MACROD2: variants seen among roughly 807,000 people sequenced by gnomAD.
The protein encoded by MACROD2 is ADP-ribose glycohydrolase MACROD2.
A neutral mutation model predicts 70.4 loss-of-function variants in MACROD2; 36 were observed. The ratio of observed to expected loss-of-function variants is 0.51; its 90% confidence interval spans 0.39 to 0.68. The LOEUF is 0.68. MACROD2 is among the 30% of genes least tolerant of loss of function. The pLI, the probability that MACROD2 is intolerant of heterozygous loss-of-function variation, is 0.00. For missense variants in MACROD2, 496 were observed against 538.4 expected (o/e 0.92, Z 0.78); for synonymous variants, 172 against 178.8 (o/e 0.96, Z 0.30).
At chr20:15,768,132 A>T (rs1025423033) in intron 8 of MACROD2, among the ~76,000 whole-genome samples, 1 of 148,238 alleles carries the variant, frequency 6.7e-6, no homozygotes, top group East Asian at 2.1e-4. Context: ...GTTTGTGTGT[A>T]TGTGTCTGTG....
intron 5 of MACROD2, among the ~76,000 whole-genome samples, chr20:15,039,393 G>C (rs1471417288): frequency 6.6e-6 from 1 of 152,076 alleles, no homozygotes; most frequent in Admixed American, 6.5e-5. Flanking sequence ...TAGGTTTTAT[G>C]GCTTTCTTTG....
intron 2 of MACROD2, among the ~76,000 whole-genome samples, chr20:14,038,422 T>A (rs1165072987): frequency 6.6e-6 from 1 of 152,256 alleles, no homozygotes; most frequent in African/African-American, 2.4e-5. Context: ...AATTATTATT[T>A]CTTTTTACAA....
chr20:15,077,904 G>A (rs566945864), intron 5 of MACROD2, among the ~76,000 whole-genome samples: 2 of 152,188 alleles, frequency 1.3e-5, no homozygotes, highest in South Asian at 4.2e-4. Flanking sequence ...GCTTCTGGAG[G>A]TTTTTCCTGA....
chr20:15,078,739 T>C (rs760879555), intron 5 of MACROD2, among the ~76,000 whole-genome samples: 3 of 150,400 alleles, frequency 2.0e-5, no homozygotes, highest in Non-Finnish European at 4.4e-5. Flanking sequence ...CTTCGACTCC[T>C]GGGTTCAAGC....
intron 7 of MACROD2, among the ~76,000 whole-genome samples, chr20:15,479,435 G>C (rs2047066812): frequency 6.6e-6 from 1 of 151,364 alleles, no homozygotes; most frequent in Admixed American, 6.6e-5. Context: ...ACTACGCCCG[G>C]CTAATTTTTT....
At chr20:15,999,326 A>C (rs1436541776) in intron 15 of MACROD2, among the ~76,000 whole-genome samples, 2 of 151,846 alleles carry the variant, frequency 1.3e-5, no homozygotes, top group African/African-American at 4.8e-5. Context: ...TTTTAGTTTT[A>C]TATGTTTGTG....
intron 3 of MACROD2, among the ~76,000 whole-genome samples, chr20:14,153,258 G>A (rs1031015420): frequency 3.9e-5 from 6 of 152,112 alleles, no homozygotes; most frequent in Admixed American, 1.3e-4. Context: ...CAATCTTTTC[G>A]AGTGAGAAAT....
In MACROD2 at chr20:14,459,391, C is replaced by T. The variant is rs114831697; in HGVS notation, c.272-34088C>T. Among the ~76,000 whole-genome samples, 353 of 151,624 alleles carry T rather than the reference C, an allele frequency of 2.3e-3. 1 individual carries two copies. Among genetic ancestry groups the T allele is most frequent in the African/African-American group, 8.1e-3 (333 of 41,264 alleles). On this transcript the variant is annotated intron_variant, in intron 3 of 17. Transcript: ENST00000684519. ...TACATGGGTGCAAGAGAAGTGACATCGGAAGAAAAAGTACACATTTTTGTA... is the reference window on the plus strand; with the variant it reads ...TACATGGGTGCAAGAGAAGTGACATTGGAAGAAAAAGTACACATTTTTGTA...
chr20:14,772,405 A>T (rs946906628), intron 5 of MACROD2, among the ~76,000 whole-genome samples: 2 of 152,096 alleles, frequency 1.3e-5, no homozygotes, highest in African/African-American at 4.8e-5. Context: ...TTACAGTTTC[A>T]TGGGGCCAGG....
intron 3 of MACROD2, among the ~76,000 whole-genome samples, chr20:14,415,652 G>T (rs1411881098): frequency 6.6e-6 from 1 of 152,174 alleles, no homozygotes; most frequent in Non-Finnish European, 1.5e-5. Flanking sequence ...GTTGAACTGT[G>T]TTAACAGCTA....
intron 3 of MACROD2, among the ~76,000 whole-genome samples, chr20:14,385,206 A>G (rs1172639281): frequency 6.6e-6 from 1 of 152,112 alleles, no homozygotes; most frequent in African/African-American, 2.4e-5. Flanking sequence ...TTTTTCCCTT[A>G]TGGAAACATA....
At chr20:14,765,950 G>C (rs1415989374) in intron 5 of MACROD2, among the ~76,000 whole-genome samples, 1 of 151,994 alleles carries the variant, frequency 6.6e-6, no homozygotes, top group Non-Finnish European at 1.5e-5. Flanking sequence ...TAGAGAATTG[G>C]AGAGCCTCCT....
chr20:15,883,361 T>G (rs1306825365), intron 9 of MACROD2, among the ~76,000 whole-genome samples: 1 of 152,074 alleles, frequency 6.6e-6, no homozygotes, highest in Non-Finnish European at 1.5e-5. Flanking sequence ...TTTGTAACAT[T>G]TTGGTAATCA....
chr20:14,927,391 A>G (rs965124158), intron 5 of MACROD2, among the ~76,000 whole-genome samples: 1 of 152,180 alleles, frequency 6.6e-6, no homozygotes, highest in African/African-American at 2.4e-5. Context: ...AGACTGTCCT[A>G]GCAGAAACAC....
intron 5 of MACROD2, among the ~76,000 whole-genome samples, chr20:15,047,165 A>G (rs2075401055): frequency 6.6e-6 from 1 of 152,184 alleles, no homozygotes; most frequent in Non-Finnish European, 1.5e-5. Flanking sequence ...AAAATTTGCT[A>G]CTGAATTGAC....
At chr20:15,782,150 C>T (rs78856095) in intron 8 of MACROD2, among the ~76,000 whole-genome samples, 5,079 of 151,902 alleles carry the variant, frequency 0.033, 296 homozygotes, top group African/African-American at 0.12. Context: ...TACAGAGCAA[C>T]GGTGTTAGAG....
At chr20:14,696,389 A>G (rs1210681801) in intron 5 of MACROD2, among the ~76,000 whole-genome samples, 1 of 151,612 alleles carries the variant, frequency 6.6e-6, no homozygotes, top group East Asian at 1.9e-4. Context: ...TTTTGGGGGG[A>G]AAATTAATTC....
intron 6 of MACROD2, among the ~76,000 whole-genome samples, chr20:15,323,807 C>A (rs1267775670): frequency 6.6e-6 from 1 of 152,036 alleles, no homozygotes; most frequent in African/African-American, 2.4e-5. Context: ...TAAGTTGTAT[C>A]CCCAGTGTCT....
At chr20:15,182,888 A>G (rs1223337761) in intron 5 of MACROD2, among the ~76,000 whole-genome samples, 1 of 152,212 alleles carries the variant, frequency 6.6e-6, no homozygotes, top group Non-Finnish European at 1.5e-5. Context: ...AAACATGTAC[A>G]GACAGGTACC....
Sources: allele counts gnomAD v4.1 joint callset (sites outside exome capture counted in the v4.1 genomes callset), GRCh38; gene constraint gnomAD v4.1.1; transcripts MANE v1.5; gene names NCBI Gene and HGNC (gene_info 2026-07-23, HGNC 2026-07-21).